BANF2: variants seen among roughly 807,000 people sequenced by gnomAD.
BANF2 encodes the protein barrier-to-autointegration factor-like protein.
In BANF2, 4 loss-of-function variants were observed where a neutral mutation model predicts 8.0. The ratio of observed to expected loss-of-function variants is 0.50; its 90% CI spans 0.25 to 1.14. BANF2 has a LOEUF of 1.14. BANF2 is among the 50% of genes most tolerant of loss of function. The pLI is 0.16. For missense variants in BANF2, 96 were observed against 107.5 expected (o/e 0.89, Z 0.47); for synonymous variants, 50 against 40.6 (o/e 1.23, Z -0.88).
intron 3 of BANF2, among the ~76,000 whole-genome samples, chr20:17,729,036 T>C (rs1169874654): frequency 6.6e-6 from 1 of 152,236 alleles, no homozygotes; most frequent in Non-Finnish European, 1.5e-5. Context: ...CTTTTTACTG[T>C]GGCTACTAGG....
chr20:17,696,564 A>AT (rs2122556632), upstream of BANF2, among the ~76,000 whole-genome samples: 1 of 152,148 alleles, frequency 6.6e-6, no homozygotes, highest in South Asian at 2.1e-4. Context: ...AATGTCGAAC[A>AT]TTTTTTCCCA....
chr20:17,711,372 T>C (rs568818560), intron 1 of BANF2, among the ~76,000 whole-genome samples: 1 of 152,382 alleles, frequency 6.6e-6, no homozygotes, highest in African/African-American at 2.4e-5. Context: ...CACTTACCCG[T>C]ATAAAGAAAA....
chr20:17,717,289 G>C (rs1339323852), intron 1 of BANF2, among the ~76,000 whole-genome samples: 1 of 152,080 alleles, frequency 6.6e-6, no homozygotes, highest in African/African-American at 2.4e-5. Context: ...CCCGCTGCTT[G>C]TTGCTACAAG....
chr20:17,697,402 C>G (rs1020134799), upstream of BANF2, among the ~76,000 whole-genome samples: 1 of 152,152 alleles, frequency 6.6e-6, no homozygotes, highest in Admixed American at 6.6e-5. Flanking sequence ...TGTGTTTCCT[C>G]AAGACATTCC....
intron 1 of BANF2, among the ~76,000 whole-genome samples, chr20:17,702,015 A>G (rs915969485): frequency 1.3e-5 from 2 of 152,156 alleles, no homozygotes; most frequent in Non-Finnish European, 2.9e-5. Context: ...CCCCAGCTCC[A>G]TGAGGTGGGT....
chr20:17,722,807 T>C lies in BANF2; in HGVS notation c.-75T>C, dbSNP rs2037751704. The C allele has an allele frequency of 2.0e-6, 2 of 984,834 alleles. No individual in the cohort carries two copies. The highest frequency in any genetic ancestry group is 2.4e-6 in the Non-Finnish European group (2 of 829,568). The allele number at this position is 984,834 out of a possible 1,614,324, so 61.0% of individuals were successfully genotyped here. ...ATTCATCTCTTCCGGGAGAGTTCAGTGTCTTCTGAAATGTTACAAAACGTC... is the reference window on the plus strand; with the variant it reads ...ATTCATCTCTTCCGGGAGAGTTCAGCGTCTTCTGAAATGTTACAAAACGTC... On this transcript the variant is annotated 5_prime_UTR_variant, in exon 2 of 4. Transcript: ENST00000246090.
chr20:17,700,268 C>A (rs772410182), intron 1 of BANF2, among the ~76,000 whole-genome samples: 1 of 152,200 alleles, frequency 6.6e-6, no homozygotes, highest in East Asian at 1.9e-4. Flanking sequence ...TCACCATCTG[C>A]GGGAGGTGGT....
In BANF2 at chr20:17,731,781, A is replaced by AAAAAT. The variant is rs60281121; in HGVS notation, c.127-3884_127-3883insAAAAT. 7.9e-5 allele frequency among the ~76,000 whole-genome samples: 11 copies of AAAAAT among 139,338 alleles called. No homozygotes were observed. In the East Asian group the frequency reaches 1.5e-3, roughly 18 times the overall value. The allele number at this position is 139,338 out of a possible 152,430, so 91.4% of individuals were successfully genotyped here. A position where few individuals can be genotyped will look rare whatever the true frequency, so the allele number is the denominator to read the frequency against. ...TAGGAAAAAAAAAAAAAAAAAAAAA[A>AAAAAT]GTAGGCCAGGCGTGATGGCTCACTC... On this transcript the variant is annotated intron_variant, in intron 3 of 3. Coordinates refer to ENST00000246090, the MANE Select transcript of BANF2 (RefSeq NM_178477.5).
At chr20:17,700,129 G>A (rs1388316018) in intron 1 of BANF2, 74 bp downstream of exon 1, 1 of 573,856 alleles carries the variant, frequency 1.7e-6, no homozygotes, top group African/African-American at 2.0e-5. Context: ...GCACTTTAAG[G>A]TCTCATTCTC....
chr20:17,726,650 GA>G, intron 3 of BANF2, among the ~76,000 whole-genome samples: 2 of 152,286 alleles, frequency 1.3e-5, no homozygotes, highest in Non-Finnish European at 2.9e-5. Flanking sequence ...CCAGCAATCA[GA>G]TGTCTCCAAA....
intron 1 of BANF2, among the ~76,000 whole-genome samples, chr20:17,722,369 G>A (rs191696258): frequency 6.6e-6 from 1 of 152,228 alleles, no homozygotes; most frequent in Non-Finnish European, 1.5e-5. Flanking sequence ...CAGATGGCCA[G>A]CATGGATAGT....
At chr20:17,733,623 A>G (rs539615492) in intron 3 of BANF2, among the ~76,000 whole-genome samples, 2 of 152,338 alleles carry the variant, frequency 1.3e-5, no homozygotes, top group East Asian at 1.9e-4. Flanking sequence ...TTTCAAAAAC[A>G]TTAATTTAAA....
intron 1 of BANF2, among the ~76,000 whole-genome samples, chr20:17,701,626 A>G (rs1212807977): frequency 6.6e-6 from 1 of 152,098 alleles, no homozygotes. Context: ...CAAATCCAAG[A>G]TTGTAGGTTT....
chr20:17,710,233 G>A (rs2037549369), intron 1 of BANF2, among the ~76,000 whole-genome samples: 1 of 152,170 alleles, frequency 6.6e-6, no homozygotes. Context: ...GCCCTGGGGG[G>A]GACATGGGCA....
rs373389299 is a variant in BANF2, at chr20:17,704,580, A to G, written c.-167+4525A>G. 3.6e-4 allele frequency among the ~76,000 whole-genome samples: 55 copies of G among 152,326 alleles called. No homozygotes were observed. In the South Asian group the frequency reaches 8.1e-3, roughly 22 times the overall value. On this transcript the variant is annotated intron_variant, in intron 1 of 3. Transcript: ENST00000246090. ...CCCAGGCATCTGGGCTTGTGCCCAC[A>G]TAGGGTAACTGTCCCATCCTACCTC...
rs2037971406 is a variant in BANF2 at position 17,735,845 on chromosome 20, T to C, written c.*34T>C. The C allele has an allele frequency of 1.3e-6, 2 of 1,593,900 alleles. No individual in the cohort carries two copies. Among genetic ancestry groups the C allele is most frequent in the African/African-American group, 1.3e-5 (1 of 74,624 alleles). ...CTCATTGCTGCCCCCCACCACCCTCTGGGGAAAATGACGCCTTCTCCACCT... is the reference window on the plus strand; with the variant it reads ...CTCATTGCTGCCCCCCACCACCCTCCGGGGAAAATGACGCCTTCTCCACCT... On this transcript the variant is annotated 3_prime_UTR_variant, in exon 4 of 4. Transcript: ENST00000246090.
chr20:17,710,648 C>T (rs2037556356), intron 1 of BANF2, among the ~76,000 whole-genome samples: 1 of 152,208 alleles, frequency 6.6e-6, no homozygotes, highest in South Asian at 2.1e-4. Flanking sequence ...AGCTGACATC[C>T]AGACTAGTGC....
At chr20:17,715,154 C>A (rs1600219840) in intron 1 of BANF2, among the ~76,000 whole-genome samples, 1 of 152,180 alleles carries the variant, frequency 6.6e-6, no homozygotes. Context: ...GCTCCTCCAG[C>A]AGGAGTTAAC....
chr20:17,720,365 A>G (rs1397863408), intron 1 of BANF2, among the ~76,000 whole-genome samples: 1 of 152,230 alleles, frequency 6.6e-6, no homozygotes, highest in Non-Finnish European at 1.5e-5. Context: ...AATAAACAAA[A>G]TGTGTTGTGT....
Sources: gnomAD v4.1 joint callset for allele counts (sites outside exome capture counted in the v4.1 genomes callset) on GRCh38, gnomAD v4.1.1 for gene constraint, MANE v1.5 for transcripts, NCBI Gene and HGNC (gene_info 2026-07-23, HGNC 2026-07-21) for gene names.